ANTXRL: variants seen among roughly 807,000 people sequenced by gnomAD.
ANTXRL encodes ANTXR like, also known as anthrax toxin receptor-like.
In ANTXRL, 63 loss-of-function variants were observed where a neutral mutation model predicts 75.4. The observed-to-expected ratio is 0.84, with a 90% CI of 0.68 to 1.03. The LOEUF is 1.03. ANTXRL is among the 50% of genes least tolerant of loss of function. ANTXRL has a pLI of 0.00. For synonymous variants in ANTXRL, 335 were observed against 291.3 expected, an observed-to-expected ratio of 1.15 and a Z score of -1.53; for missense variants, 797 against 789.4, an observed-to-expected ratio of 1.01 and a Z score of -0.12.
intron 10 of ANTXRL, 21 bp downstream of exon 10, chr10:46,302,841 C>T: frequency 6.7e-7 from 1 of 1,485,364 alleles, no homozygotes; most frequent in Non-Finnish European, 9.1e-7. Flanking sequence ...TCCTCTGTGC[C>T]TCTGAGTCAC....
rs782052803 is a variant in ANTXRL at position 46,287,304 on chromosome 10, CCTGCTG to C, written c.54_59del (p.Leu19_Leu20del). The C allele has an allele frequency of 1.4e-5, 22 of 1,535,688 alleles. 1 individual carries two copies. Among genetic ancestry groups the C allele is most frequent in the South Asian group, 6.0e-5 (5 of 84,028 alleles). ...CCCTGGGGCCCTACTTCCTGGTCTTCCTGCTGCTGCTGCTGCTTCCTCCACCGCTTT... is the reference window on the plus strand; with the variant it reads ...CCCTGGGGCCCTACTTCCTGGTCTTCCTGCTGCTGCTTCCTCCACCGCTTT... On this transcript the variant is annotated inframe_deletion, in exon 1 of 17. Transcript: ENST00000620264.
chr10:46,306,823 G>A lies in ANTXRL; in HGVS notation c.916G>A (p.Asp306Asn), dbSNP rs782685900. ...TIIDEKPTSI[D>N]NNSMNCPGPK... ...TTTAGATGAAAAGCCAACCAGTATC[G>A]ACAATAATTCCATGAATTGCCCTGG... Residue 306 changes from aspartate to asparagine, a missense_variant, in exon 11 of 17, where the codon GAC becomes AAC. This residue lies in a region of ANTXRL where 479 missense variants were observed against 422.0 expected (regional missense o/e 1.14). Coordinates refer to ENST00000620264, the MANE Select transcript of ANTXRL (RefSeq NM_001278688.3). 3.6e-5 allele frequency: 55 copies of A among 1,526,668 alleles called. No homozygotes were observed. Among genetic ancestry groups the A allele is most frequent in the Admixed American group, 1.2e-4 (6 of 49,016 alleles). 94.6% of individuals were successfully genotyped at this position (1,526,668 alleles called of 1,614,324 possible).
upstream of ANTXRL, chr10:46,286,982 A>G (rs1268818773): frequency 2.0e-6 from 1 of 508,936 alleles, no homozygotes; most frequent in East Asian, 3.5e-5. Context: ...TCACCATGTC[A>G]ACCTTCCTGT....
chr10:46,304,972 A>T lies in ANTXRL; in HGVS notation c.896-1831A>T, dbSNP rs555113982. Among the ~76,000 whole-genome samples the T allele has an allele frequency of 4.1e-4, 62 of 152,304 alleles. 1 individual carries two copies. The highest frequency in any genetic ancestry group is 2.3e-3 in the South Asian group (11 of 4,824). ...ACCGACGTCTCACAGTGGGGAGCCC[A>T]TGCCACAGCTGTGAGCACCTGCGTA... On this transcript the variant is annotated intron_variant, in intron 10 of 16. Coordinates refer to ENST00000620264, the MANE Select transcript of ANTXRL (RefSeq NM_001278688.3).
chr10:46,304,701 A>G (rs1162215947), intron 10 of ANTXRL, among the ~76,000 whole-genome samples: 2 of 152,116 alleles, frequency 1.3e-5, no homozygotes, highest in Admixed American at 6.5e-5. Context: ...CAACTTTCTC[A>G]TATGGATGGA....
intron 9 of ANTXRL, among the ~76,000 whole-genome samples, chr10:46,300,037 G>T (rs1837623844): frequency 6.6e-6 from 1 of 152,180 alleles, no homozygotes; most frequent in South Asian, 2.1e-4. Flanking sequence ...ATGTCCCCTG[G>T]ACACGCACAG....
chr10:46,307,573 A>T, intron 12 of ANTXRL, 93 bp downstream of exon 12: 1 of 1,205,880 alleles, frequency 8.3e-7, no homozygotes, highest in South Asian at 1.3e-5. Context: ...GTTCCCAGGC[A>T]GTCCCAGAAA....
In ANTXRL at chr10:46,324,984, G is replaced by A. The variant is rs7079193; in HGVS notation, c.1411-4615G>A. On this transcript the variant is annotated intron_variant, in intron 16 of 16. Coordinates refer to ENST00000620264, the MANE Select transcript of ANTXRL (RefSeq NM_001278688.3). ...TATGGAAGCCTCTTGAACTTGATTC[G>A]AAACCCTCACCACAGAGATGATCCT... 6.6e-3 allele frequency among the ~76,000 whole-genome samples: 1,008 copies of A among 152,214 alleles called. 16 individuals are homozygous for A. Among genetic ancestry groups the A allele is most frequent in the African/African-American group, 0.023 (944 of 41,498 alleles).
At chr10:46,327,314 G>A (rs1554966705) in intron 16 of ANTXRL, among the ~76,000 whole-genome samples, 1 of 152,120 alleles carries the variant, frequency 6.6e-6, no homozygotes, top group African/African-American at 2.4e-5. Context: ...TCTCTGGAGG[G>A]TGTGAGCTGG....
intron 9 of ANTXRL, among the ~76,000 whole-genome samples, chr10:46,302,517 C>T (rs1837815803): frequency 6.6e-6 from 1 of 152,130 alleles, no homozygotes; most frequent in African/African-American, 2.4e-5. Context: ...GTGCTTAAGG[C>T]CCAGCTGCCT....
intron 16 of ANTXRL, among the ~76,000 whole-genome samples, chr10:46,317,321 T>C (rs972411219): frequency 2.6e-5 from 4 of 152,188 alleles, no homozygotes; most frequent in African/African-American, 9.7e-5. Context: ...TAATGAGAAT[T>C]TACTGAAATT....
intron 10 of ANTXRL, among the ~76,000 whole-genome samples, chr10:46,305,959 G>T (rs1838056254): frequency 6.6e-6 from 1 of 152,236 alleles, no homozygotes; most frequent in Non-Finnish European, 1.5e-5. Flanking sequence ...TTGCCTCCAT[G>T]TGCAAAATAC....
chr10:46,319,653 CTTTG>C (rs1447200100), intron 16 of ANTXRL, among the ~76,000 whole-genome samples: 1 of 152,126 alleles, frequency 6.6e-6, no homozygotes, highest in Non-Finnish European at 1.5e-5. Context: ...AGGCATTCAT[CTTTG>C]TTGTTAGCCT....
At chr10:46,295,976 T>G in intron 3 of ANTXRL, 43 bp from the exon 4 acceptor site, 1 of 1,485,002 alleles carries the variant, frequency 6.7e-7, no homozygotes. Flanking sequence ...TTTTTAACAG[T>G]CAATGTCTTT....
intron 15 of ANTXRL, 123 bp from the exon 16 acceptor site, chr10:46,313,113 G>T: frequency 2.3e-6 from 2 of 880,564 alleles, no homozygotes; most frequent in South Asian, 2.9e-5. Context: ...CCCCCAGAGG[G>T]GGATGGGAGC....
intron 16 of ANTXRL, 106 bp downstream of exon 16, chr10:46,313,422 A>C: frequency 4.2e-6 from 5 of 1,181,158 alleles, no homozygotes; most frequent in South Asian, 3.9e-5. Context: ...AGGCATCTGC[A>C]AAAGAGGACG....
In ANTXRL at chr10:46,311,654, A is replaced by T. The variant is rs2132822124; in HGVS notation, c.1318A>T (p.Arg440Ter). The T allele has an allele frequency of 9.2e-7, 1 of 1,092,856 alleles. No homozygotes were observed. Among genetic ancestry groups the T allele is most frequent in the South Asian group, 1.3e-5 (1 of 75,312 alleles). 67.7% of individuals were successfully genotyped at this position (1,092,856 alleles called of 1,614,324 possible). A position where few individuals can be genotyped will look rare whatever the true frequency, so the allele number is the denominator to read the frequency against. Residue 440 changes from arginine to a stop codon, truncating the protein, a stop_gained, in exon 15 of 17, where the codon AGA becomes TGA. Coordinates refer to ENST00000620264, the MANE Select transcript of ANTXRL (RefSeq NM_001278688.3). LOFTEE classifies it high-confidence loss of function. ...CCGCQGVGGM[R>*]RIEGNLDTFC... ...TGGATGCCAAGGAGTGGGCGGGATG[A>T]GAAGGATAGAGGTGAGAAGGGCACA...
At chr10:46,291,963 TG>T in intron 1 of ANTXRL, 94 bp from the exon 2 acceptor site, 1 of 1,167,418 alleles carries the variant, frequency 8.6e-7, no homozygotes, top group Non-Finnish European at 1.2e-6. Flanking sequence ...CAGGAGAGCT[TG>T]TTAAGAGCCT....
At chr10:46,316,893 CCAGAGATGTGCACATCAGGTGGATTGG>C (rs554763580) in intron 16 of ANTXRL, among the ~76,000 whole-genome samples, 86 of 152,180 alleles carry the variant, frequency 5.7e-4, no homozygotes, top group East Asian at 1.9e-3. Context: ...TGCTTACATC[CCAGAGATGTGCACATCAGGTGGATTGG>C]CGTGTCTCTA....
Sources: allele counts gnomAD v4.1 joint callset (sites outside exome capture counted in the v4.1 genomes callset), GRCh38; gene constraint gnomAD v4.1.1; regional missense constraint gnomAD v4.1.1; transcripts MANE v1.5; gene names NCBI Gene and HGNC (gene_info 2026-07-23, HGNC 2026-07-21).